MYO1E: variants seen among roughly 807,000 people sequenced by gnomAD.
The protein encoded by MYO1E is myosin IE.
MYO1E carries 68 observed loss-of-function variants against 151.1 expected under a neutral mutation model. The observed-to-expected ratio is 0.45, with a 90% CI of 0.37 to 0.55. The LOEUF (loss-of-function observed/expected upper bound fraction) is 0.55, where lower values mean the gene tolerates loss of function less well. MYO1E is among the 20% of genes least tolerant of loss of function. The probability of loss-of-function intolerance (pLI) is 0.00; values close to 1 mark genes in which losing one functional copy is unlikely to be tolerated. For missense variants in MYO1E, 1,363 were observed against 1,389.3 expected (o/e 0.98, Z 0.30); for synonymous variants, 601 against 501.7 (o/e 1.20, Z -2.64).
At chr15:59,188,079 A>C in intron 18 of MYO1E, 39 bp downstream of exon 18, 4 of 1,434,708 alleles carry the variant, frequency 2.8e-6, no homozygotes, top group Non-Finnish European at 3.9e-6. Flanking sequence ...TAGCTCAATA[A>C]ACCTGTTTTA....
intron 10 of MYO1E, among the ~76,000 whole-genome samples, chr15:59,215,891 G>C (rs1488133495): frequency 1.3e-5 from 2 of 152,164 alleles, no homozygotes; most frequent in African/African-American, 4.8e-5. Flanking sequence ...CCCCCTTGCT[G>C]ACCAGCCTTG....
intron 10 of MYO1E, among the ~76,000 whole-genome samples, chr15:59,215,173 C>A (rs200539073): frequency 6.6e-6 from 1 of 152,128 alleles, no homozygotes; most frequent in Admixed American, 6.5e-5. Flanking sequence ...ACAAGACAAC[C>A]CTTGTTCCTA....
At chr15:59,204,253 G>A (rs1424701453) in intron 15 of MYO1E, among the ~76,000 whole-genome samples, 1 of 152,220 alleles carries the variant, frequency 6.6e-6, no homozygotes, top group Non-Finnish European at 1.5e-5. Context: ...GAAGCGCAGG[G>A]ATGGAGAGCA....
intron 3 of MYO1E, among the ~76,000 whole-genome samples, chr15:59,257,760 G>T (rs1401186934): frequency 6.6e-6 from 1 of 152,054 alleles, no homozygotes; most frequent in Non-Finnish European, 1.5e-5. Context: ...CTATGCCTAG[G>T]ACTGGTCACC....
chr15:59,327,243 G>C (rs2080670592), intron 1 of MYO1E, among the ~76,000 whole-genome samples: 1 of 152,248 alleles, frequency 6.6e-6, no homozygotes, highest in South Asian at 2.1e-4. Context: ...TGCAGCCGTG[G>C]CTCACCGCTG....
intron 1 of MYO1E, among the ~76,000 whole-genome samples, chr15:59,314,670 T>C (rs1248297807): frequency 6.6e-6 from 1 of 152,114 alleles, no homozygotes; most frequent in Non-Finnish European, 1.5e-5. Flanking sequence ...TGGCAGAATA[T>C]GGATTCATTC....
At chr15:59,178,783 C>T (rs1364662052) in intron 18 of MYO1E, among the ~76,000 whole-genome samples, 3 of 152,352 alleles carry the variant, frequency 2.0e-5, no homozygotes, top group Admixed American at 1.3e-4. Context: ...CGTCAACACC[C>T]TGGTGAAAAC....
chr15:59,277,437 C>T (rs1566999903), intron 1 of MYO1E, among the ~76,000 whole-genome samples: 1 of 151,022 alleles, frequency 6.6e-6, no homozygotes, highest in Non-Finnish European at 1.5e-5. Flanking sequence ...CCCGGCTACT[C>T]GGGAGGCTGA....
At chr15:59,228,267 A>C (rs2080003976) in intron 6 of MYO1E, among the ~76,000 whole-genome samples, 1 of 152,072 alleles carries the variant, frequency 6.6e-6, no homozygotes, top group South Asian at 2.1e-4. Context: ...GGATCACTGG[A>C]GGTCAGGAGT....
intron 1 of MYO1E, 66 bp from the exon 2 acceptor site, chr15:59,272,515 G>A: frequency 2.0e-6 from 3 of 1,526,886 alleles, no homozygotes; most frequent in East Asian, 2.3e-5. Context: ...AAGACAAAAT[G>A]CTGTTAATTT....
chr15:59,274,739 T>A (rs1398415549), intron 1 of MYO1E, among the ~76,000 whole-genome samples: 1 of 152,212 alleles, frequency 6.6e-6, no homozygotes, highest in East Asian at 1.9e-4. Context: ...GGTCTTTCTC[T>A]GTCTCACTGC....
chr15:59,362,125 C>T (rs2080889265), intron 1 of MYO1E, among the ~76,000 whole-genome samples: 3 of 152,156 alleles, frequency 2.0e-5, no homozygotes, highest in Admixed American at 2.0e-4. Flanking sequence ...GCATGAGCCA[C>T]CACGCCCAGC....
At chr15:59,293,995 T>C (rs1213354016) in intron 1 of MYO1E, among the ~76,000 whole-genome samples, 2 of 152,148 alleles carry the variant, frequency 1.3e-5, no homozygotes, top group East Asian at 1.9e-4. Flanking sequence ...TGAGCCATGA[T>C]TGTACCACTG....
At chr15:59,329,524 C>T (rs2080686165) in intron 1 of MYO1E, among the ~76,000 whole-genome samples, 1 of 152,166 alleles carries the variant, frequency 6.6e-6, no homozygotes, top group Non-Finnish European at 1.5e-5. Context: ...ATTTGACATC[C>T]ATTCAAAAAC....
At chr15:59,305,468 T>G (rs1245686937) in intron 1 of MYO1E, among the ~76,000 whole-genome samples, 2 of 152,204 alleles carry the variant, frequency 1.3e-5, no homozygotes, top group African/African-American at 4.8e-5. Flanking sequence ...GTGCTAGGAT[T>G]ACAGCCATGA....
At chr15:59,355,532 C>T (rs573642405) in intron 1 of MYO1E, among the ~76,000 whole-genome samples, 70 of 152,324 alleles carry the variant, frequency 4.6e-4, no homozygotes, top group African/African-American at 1.6e-3. Context: ...CAATTTTTCA[C>T]TTGAGTTCCA....
chr15:59,360,437 T>C (rs141894971), intron 1 of MYO1E, among the ~76,000 whole-genome samples: 52 of 152,278 alleles, frequency 3.4e-4, no homozygotes, highest in African/African-American at 9.9e-4. Context: ...AAATGCAGAA[T>C]TGGGCAGCAA....
chr15:59,197,079 G>A (rs1273421713), intron 16 of MYO1E, among the ~76,000 whole-genome samples: 2 of 123,478 alleles, frequency 1.6e-5, no homozygotes, highest in African/African-American at 6.0e-5. Context: ...TGCAACCTCT[G>A]CCTCCCGAGT....
intron 9 of MYO1E, among the ~76,000 whole-genome samples, chr15:59,221,043 T>C (rs2079952814): frequency 6.8e-6 from 1 of 146,350 alleles, no homozygotes; most frequent in Non-Finnish European, 1.5e-5. Context: ...ATATTATATA[T>C]ATATACACAC....
Sources: allele counts gnomAD v4.1 joint callset (sites outside exome capture counted in the v4.1 genomes callset), GRCh38; gene constraint gnomAD v4.1.1; transcripts MANE v1.5; gene names NCBI Gene and HGNC (gene_info 2026-07-23, HGNC 2026-07-21).